GSAP: variants seen among roughly 807,000 people sequenced by gnomAD.
GSAP encodes the protein gamma-secretase-activating protein.
In GSAP, 118 loss-of-function variants were observed where a neutral mutation model predicts 131.7. The observed-to-expected ratio is 0.90, with a 90% confidence interval of 0.77 to 1.04. The LOEUF (loss-of-function observed/expected upper bound fraction) is 1.04, where lower values mean the gene tolerates loss of function less well. Ranked by LOEUF, GSAP falls within the 50% of genes least tolerant of loss-of-function variation. GSAP has a pLI of 0.00. For missense variants in GSAP, 1,019 were observed against 1,013.2 expected, an observed-to-expected ratio of 1.01 and a Z score of -0.08; for synonymous variants, 381 against 363.4, an observed-to-expected ratio of 1.05 and a Z score of -0.55.
chr7:77,380,290 C>T (rs1797604246), intron 8 of GSAP, among the ~76,000 whole-genome samples: 1 of 152,114 alleles, frequency 6.6e-6, no homozygotes, highest in Non-Finnish European at 1.5e-5. Flanking sequence ...TGTACTCTTA[C>T]ATTTTGCTTC....
intron 23 of GSAP, among the ~76,000 whole-genome samples, chr7:77,324,520 A>T (rs1454463958): frequency 1.3e-5 from 2 of 152,164 alleles, no homozygotes; most frequent in Admixed American, 6.5e-5. Flanking sequence ...CACATCTTCT[A>T]TTTTAGCAGG....
At chr7:77,396,573 G>A (rs1305817778) in intron 5 of GSAP, among the ~76,000 whole-genome samples, 1 of 152,076 alleles carries the variant, frequency 6.6e-6, no homozygotes, top group Non-Finnish European at 1.5e-5. Context: ...AGTGGGCCTT[G>A]GCAAATGAGC....
chr7:77,323,567 G>T lies in GSAP; in HGVS notation c.1923+80C>A, dbSNP rs142592031. On this transcript the variant is annotated intron_variant, in intron 24 of 30. Coordinates refer to ENST00000257626, the MANE Select transcript of GSAP (RefSeq NM_017439.4). ...ATCTAATTTGAAAAACACATAAATGGGTTCCCTGCACCACATTTTCAGAAC... is the reference window on the plus strand; with the variant it reads ...ATCTAATTTGAAAAACACATAAATGTGTTCCCTGCACCACATTTTCAGAAC... 3.1e-3 allele frequency: 1,964 copies of T among 632,324 alleles called. 22 individuals carry two copies. Among genetic ancestry groups the T allele is most frequent in the African/African-American group, 0.012 (634 of 52,824 alleles). 39.2% of individuals were successfully genotyped at this position (632,324 alleles called of 1,614,324 possible). A position where few individuals can be genotyped will look rare whatever the true frequency, so the allele number is the denominator to read the frequency against.
rs767177732 is a variant in GSAP at position 77,330,378 on chromosome 7, C to T, written c.1546-11G>A. On this transcript the variant is annotated splice_polypyrimidine_tract_variant and intron_variant, in intron 19 of 30. Transcript: ENST00000257626. ...CTTAAAGCTGAGCACCTGTAGGAGACAAAAACATCAGTGGCCTTCAGAGGC... is the reference window on the plus strand; with the variant it reads ...CTTAAAGCTGAGCACCTGTAGGAGATAAAAACATCAGTGGCCTTCAGAGGC... 4 of 1,611,614 alleles carry T rather than the reference C, an allele frequency of 2.5e-6. No individual in the cohort carries two copies. Among genetic ancestry groups the T allele is most frequent in the South Asian group, 1.1e-5 (1 of 90,776 alleles).
intron 25 of GSAP, 126 bp downstream of exon 25, chr7:77,321,207 T>G: frequency 1.5e-6 from 1 of 677,452 alleles, no homozygotes; most frequent in South Asian, 1.7e-5. Context: ...GAGTATAGAA[T>G]TAAGCTAGAT....
rs774301745 is a variant in GSAP, at chr7:77,360,934, TAAA to T, written c.950-36_950-34del. On this transcript the variant is annotated intron_variant, in intron 13 of 30. Transcript: ENST00000257626. ...GAGAGAATATGAAGCCAGAGAATGT[TAAA>T]CAAAGAACTGGAACTCCACCCAAGG... is the stretch of plus-strand genomic sequence containing the variant. The T allele has an allele frequency of 6.9e-6, 9 of 1,296,628 alleles. No individual in the cohort carries two copies. The African/African-American group carries it at 1.2e-4, about 17-fold the overall frequency. 80.3% of individuals were successfully genotyped at this position (1,296,628 alleles called of 1,614,324 possible).
At chr7:77,378,936 C>T (rs1197123952) in intron 8 of GSAP, among the ~76,000 whole-genome samples, 1 of 152,118 alleles carries the variant, frequency 6.6e-6, no homozygotes, top group Non-Finnish European at 1.5e-5. Flanking sequence ...ATGCCTAAAC[C>T]CTCCCTAATC....
chr7:77,388,655 C>T (rs1437494471), intron 5 of GSAP, among the ~76,000 whole-genome samples: 1 of 152,180 alleles, frequency 6.6e-6, no homozygotes, highest in Admixed American at 6.5e-5. Context: ...AGTGACTTCA[C>T]TGTGAAAAAT....
intron 19 of GSAP, chr7:77,330,876 C>G (rs1789039317): frequency 2.0e-6 from 2 of 977,496 alleles, no homozygotes; most frequent in Admixed American, 1.2e-4. Flanking sequence ...ATAAAATGAA[C>G]TAATTTTACA....
intron 13 of GSAP, among the ~76,000 whole-genome samples, chr7:77,361,291 A>C (rs2150914970): frequency 6.6e-6 from 1 of 152,264 alleles, no homozygotes; most frequent in East Asian, 1.9e-4. Context: ...TCTCCAAATC[A>C]CTTACAAATC....
chr7:77,387,470 T>C (rs1798745871), intron 5 of GSAP, 22 bp from the exon 6 acceptor site: 1 of 1,311,294 alleles, frequency 7.6e-7, no homozygotes, highest in Non-Finnish European at 1.1e-6. Context: ...AGAAGGCTTT[T>C]AGTAACGAAG....
intron 22 of GSAP, chr7:77,327,219 T>A (rs1014648536): frequency 6.6e-6 from 1 of 152,224 alleles, no homozygotes; most frequent in African/African-American, 2.4e-5. Flanking sequence ...TGCATTAAGA[T>A]AGACTGACTA....
rs201610074 is a variant in GSAP, at chr7:77,377,268, G to A, written c.681+18C>T. ...AAAAAAAAAAAAAAAAGGAGTGCCC[G>A]TGAACTAGTTTTTTTACCTTCAGGT... is the stretch of plus-strand genomic sequence containing the variant. On this transcript the variant is annotated intron_variant, in intron 9 of 30. Coordinates refer to ENST00000257626, the MANE Select transcript of GSAP (RefSeq NM_017439.4). 462 of 1,132,098 alleles carry A rather than the reference G, an allele frequency of 4.1e-4. 1 individual carries two copies. In the African/African-American group the frequency reaches 8.0e-3, roughly 20 times the overall value. The allele number at this position is 1,132,098 out of a possible 1,614,324, so 70.1% of individuals were successfully genotyped here.
chr7:77,404,134 A>G (rs1801849515), intron 3 of GSAP, among the ~76,000 whole-genome samples: 2 of 152,244 alleles, frequency 1.3e-5, no homozygotes, highest in African/African-American at 4.8e-5. Flanking sequence ...ACAGGGCACA[A>G]GGGCCTGCCC....
At chr7:77,411,228 T>C (rs1364664516) in intron 1 of GSAP, among the ~76,000 whole-genome samples, 1 of 151,868 alleles carries the variant, frequency 6.6e-6, no homozygotes, top group Non-Finnish European at 1.5e-5. Context: ...TGGTAAAATA[T>C]ACCACTTCCC....
At chr7:77,357,390 C>G (rs984392842) in intron 14 of GSAP, among the ~76,000 whole-genome samples, 6 of 152,042 alleles carry the variant, frequency 3.9e-5, no homozygotes, top group Non-Finnish European at 8.8e-5. Flanking sequence ...GGGAGACTAT[C>G]CTGGAATATC....
At chr7:77,332,792 T>C (rs1789361603) in intron 19 of GSAP, among the ~76,000 whole-genome samples, 1 of 152,222 alleles carries the variant, frequency 6.6e-6, no homozygotes, top group Admixed American at 6.5e-5. Flanking sequence ...ATTAGATATA[T>C]CTATAATATC....
chr7:77,386,716 G>A (rs73362757), intron 6 of GSAP, among the ~76,000 whole-genome samples: 9,314 of 152,218 alleles, frequency 0.061, 918 homozygotes, highest in African/African-American at 0.21. Context: ...AAAATTGAAA[G>A]ATGGAACTAG....
chr7:77,314,776 G>A (rs958644647), intron 26 of GSAP: 1 of 252,564 alleles, frequency 4.0e-6, no homozygotes, highest in African/African-American at 2.2e-5. Context: ...GGTTTGATAT[G>A]TTTGTGATTC....
Sources: allele counts gnomAD v4.1 joint callset (sites outside exome capture counted in the v4.1 genomes callset), GRCh38; gene constraint gnomAD v4.1.1; transcripts MANE v1.5; gene names NCBI Gene and HGNC (gene_info 2026-07-23, HGNC 2026-07-21).